PKHD1: variants seen among roughly 807,000 people sequenced by gnomAD.
PKHD1 encodes PKHD1 ciliary IPT domain containing fibrocystin/polyductin.
A neutral mutation model predicts 412.0 loss-of-function variants in PKHD1; 291 were observed. The ratio of observed to expected loss-of-function variants is 0.71; its 90% CI spans 0.64 to 0.78. PKHD1 has a LOEUF of 0.78. Among genes scored for constraint, PKHD1 ranks in the 30% least tolerant of loss-of-function variants. PKHD1 has a pLI of 0.00. For missense variants in PKHD1, 4,825 were observed against 4,950.7 expected, an observed-to-expected ratio of 0.97 and a Z score of 0.76; for synonymous variants, 1,777 against 1,821.5, an observed-to-expected ratio of 0.98 and a Z score of 0.62.
chr6:51,663,147 A>G (rs977540201), intron 60 of PKHD1, among the ~76,000 whole-genome samples: 11 of 152,056 alleles, frequency 7.2e-5, no homozygotes, highest in African/African-American at 2.7e-4. Flanking sequence ...ATCTTTTCCA[A>G]ATAAGATAGT....
At chr6:51,622,352 G>A (rs377438360) in intron 66 of PKHD1, 1 of 152,016 alleles carries the variant, frequency 6.6e-6, no homozygotes, top group African/African-American at 2.4e-5. Flanking sequence ...CATATTTTTT[G>A]AGCCTAGTTC....
intron 43 of PKHD1, among the ~76,000 whole-genome samples, chr6:51,889,838 G>GT (rs983505039): frequency 1.3e-5 from 2 of 152,142 alleles, no homozygotes; most frequent in African/African-American, 2.4e-5. Context: ...TCCTGGTGAA[G>GT]TTTTTTGCCA....
intron 49 of PKHD1, among the ~76,000 whole-genome samples, chr6:51,850,213 G>A (rs570625436): frequency 6.6e-6 from 1 of 152,226 alleles, no homozygotes; most frequent in South Asian, 2.1e-4. Context: ...TAAATGTGTG[G>A]TGTTATTTCT....
At chr6:51,923,020 G>T (rs532525213) in intron 37 of PKHD1, among the ~76,000 whole-genome samples, 2 of 152,240 alleles carry the variant, frequency 1.3e-5, no homozygotes, top group East Asian at 3.9e-4. Context: ...CATCTTCTGC[G>T]TTGCTCATGC....
In PKHD1 at chr6:51,911,865, G is replaced by C. The variant is rs778620978; in HGVS notation, c.6424C>G (p.Gln2142Glu). ...TCCCTCTCATTAGTGAGATTTCCTTGTATGGTAATACTCCTGCTGAGCAGA... is the reference window on the plus strand; with the variant it reads ...TCCCTCTCATTAGTGAGATTTCCTTCTATGGTAATACTCCTGCTGAGCAGA... ...VALLSRSITIQGNLTNEREKL... is the reference protein window; with the variant it reads ...VALLSRSITIEGNLTNEREKL... The change falls in exon 39 of 67, where the codon CAA becomes GAA. Residue 2142 changes from glutamine to glutamate, a missense_variant. Physicochemically the swap from Gln to Glu is conservative, Grantham distance 29 (BLOSUM62 2). Transcript: ENST00000371117. The C allele has an allele frequency of 1.3e-5, 21 of 1,612,142 alleles. No homozygotes were observed. The South Asian group carries it at 2.1e-4, about 16-fold the overall frequency.
chr6:51,951,842 T>G (rs934256953), intron 36 of PKHD1, among the ~76,000 whole-genome samples: 2 of 152,156 alleles, frequency 1.3e-5, no homozygotes, highest in Non-Finnish European at 2.9e-5. Context: ...ACAGACCAAG[T>G]CCTGCATGAC....
intron 64 of PKHD1, among the ~76,000 whole-genome samples, chr6:51,635,812 C>A (rs984449167): frequency 1.5e-5 from 2 of 132,308 alleles, no homozygotes; most frequent in African/African-American, 5.9e-5. Context: ...AAGGAATTGG[C>A]AACCACAGGT....
intron 60 of PKHD1, among the ~76,000 whole-genome samples, chr6:51,680,889 T>TA (rs1409777942): frequency 2.1e-4 from 31 of 150,936 alleles, no homozygotes; most frequent in East Asian, 3.9e-4. Context: ...TAACTGAGGG[T>TA]AAAAAAAAAC....
At chr6:52,030,440 G>A (rs553688045) in intron 29 of PKHD1, among the ~76,000 whole-genome samples, 1 of 152,128 alleles carries the variant, frequency 6.6e-6, no homozygotes, top group Non-Finnish European at 1.5e-5. Context: ...TCTCTTGACC[G>A]CATGTCTTCC....
rs150814378 is a variant in PKHD1, at chr6:52,067,615, A to C, written c.779-1538T>G. On this transcript the variant is annotated intron_variant, in intron 11 of 66. Coordinates refer to ENST00000371117, the MANE Select transcript of PKHD1 (RefSeq NM_138694.4). ...ATGGGAGTATTGAGGTGTAGAAGAA[A>C]ATGTTTAGAGATGACACTAATCTGA... 1.8e-4 allele frequency among the ~76,000 whole-genome samples: 27 copies of C among 152,294 alleles called. 1 individual carries two copies. The East Asian group carries it at 5.2e-3, about 29-fold the overall frequency.
At position 51,871,114 on chromosome 6, in the gene PKHD1, T is replaced by C. The variant is rs1775925900; in HGVS notation, c.7351-475A>G. On this transcript the variant is annotated intron_variant, in intron 46 of 66. Coordinates refer to ENST00000371117, the MANE Select transcript of PKHD1 (RefSeq NM_138694.4). ...ATGAGACAGCCACTGTGGAAAACTT[T>C]GGCAGTTTCTTATAAAGTTAAATAT... Among the ~76,000 whole-genome samples the C allele has an allele frequency of 2.6e-5, 4 of 152,204 alleles. No individual in the cohort carries two copies. In the South Asian group the frequency reaches 8.3e-4, roughly 31 times the overall value.
intron 60 of PKHD1, among the ~76,000 whole-genome samples, chr6:51,706,377 A>G (rs965433695): frequency 8.5e-5 from 13 of 152,060 alleles, no homozygotes; most frequent in African/African-American, 3.1e-4. Context: ...TCTAAGAGAT[A>G]CTGCAGCCCA....
intron 58 of PKHD1, 26 bp from the exon 59 acceptor site, chr6:51,746,915 AATATT>A: frequency 7.5e-7 from 1 of 1,337,600 alleles, no homozygotes; most frequent in Non-Finnish European, 1.1e-6. Context: ...TATGTATCAT[AATATT>A]ATATCATATA....
chr6:51,963,174 TG>T (rs1371310983), intron 35 of PKHD1, among the ~76,000 whole-genome samples: 1 of 152,058 alleles, frequency 6.6e-6, no homozygotes, highest in Non-Finnish European at 1.5e-5. Context: ...TCCCTTTTCG[TG>T]TTTTCAAGCT....
At chr6:51,864,877 G>T (rs1457153597) in intron 48 of PKHD1, among the ~76,000 whole-genome samples, 1 of 151,740 alleles carries the variant, frequency 6.6e-6, no homozygotes, top group Non-Finnish European at 1.5e-5. Flanking sequence ...TCTAAAAAGA[G>T]CACACAAAAT....
intron 37 of PKHD1, 93 bp from the exon 38 acceptor site, chr6:51,912,669 C>T: frequency 1.1e-6 from 1 of 883,112 alleles, no homozygotes; most frequent in Non-Finnish European, 1.9e-6. Flanking sequence ...GTTATTTAGC[C>T]AAAGAATCCC....
At chr6:51,843,250 C>T (rs1306783538) in intron 50 of PKHD1, among the ~76,000 whole-genome samples, 1 of 152,108 alleles carries the variant, frequency 6.6e-6, no homozygotes, top group African/African-American at 2.4e-5. Context: ...GCGTGAAATT[C>T]TTAATTAAGC....
At chr6:52,068,722 T>A (rs1325349403) in intron 11 of PKHD1, among the ~76,000 whole-genome samples, 3 of 152,164 alleles carry the variant, frequency 2.0e-5, no homozygotes, top group Admixed American at 6.6e-5. Context: ...TTCTTCAAAC[T>A]TACCCCAAAT....
At chr6:51,725,298 T>G (rs189664393) in intron 60 of PKHD1, among the ~76,000 whole-genome samples, 23 of 152,316 alleles carry the variant, frequency 1.5e-4, no homozygotes, top group African/African-American at 3.8e-4. Context: ...GACTGAACAA[T>G]TGCTCCTTGT....
Sources: allele counts gnomAD v4.1 joint callset (sites outside exome capture counted in the v4.1 genomes callset), GRCh38; gene constraint gnomAD v4.1.1; transcripts MANE v1.5; gene names NCBI Gene and HGNC (gene_info 2026-07-23, HGNC 2026-07-21).